The following RAPGEF4 variants were observed in gnomAD, a reference collection of about 807,000 sequenced individuals.
RAPGEF4 encodes Rap guanine nucleotide exchange factor 4.
Under a neutral mutation model 147.9 loss-of-function variants are expected in RAPGEF4, and 66 were observed. The ratio of observed to expected loss-of-function variants is 0.45; its 90% CI spans 0.37 to 0.55. RAPGEF4 has a LOEUF of 0.55. RAPGEF4 is among the 20% of genes least tolerant of loss of function. The probability of loss-of-function intolerance (pLI) is 0.00; values close to 1 mark genes in which losing one functional copy is unlikely to be tolerated. For synonymous variants in RAPGEF4, 419 were observed against 442.7 expected (o/e 0.95, Z 0.67); for missense variants, 1,071 against 1,257.3 (o/e 0.85, Z 2.24).
chr2:172,816,806 C>A (rs1192638673), intron 4 of RAPGEF4, among the ~76,000 whole-genome samples: 1 of 152,110 alleles, frequency 6.6e-6, no homozygotes, highest in Non-Finnish European at 1.5e-5. Context: ...TTTAGTCTGA[C>A]CTCTTTTACA....
chr2:173,031,550 C>T (rs531550737), intron 26 of RAPGEF4, among the ~76,000 whole-genome samples: 1 of 152,276 alleles, frequency 6.6e-6, no homozygotes, highest in Non-Finnish European at 1.5e-5. Flanking sequence ...ACCATAAAGC[C>T]TCAAAGGGTC....
At chr2:172,824,602 G>A (rs933185480) in intron 4 of RAPGEF4, among the ~76,000 whole-genome samples, 3 of 152,182 alleles carry the variant, frequency 2.0e-5, no homozygotes, top group Admixed American at 2.0e-4. Context: ...TGTGGGGTTT[G>A]TTCAAGGCTG....
chr2:172,754,981 T>C (rs1185313184), intron 1 of RAPGEF4, among the ~76,000 whole-genome samples: 2 of 152,122 alleles, frequency 1.3e-5, no homozygotes, highest in East Asian at 3.9e-4. Context: ...ATGCAGAGTT[T>C]GCAGTGAGCC....
intron 4 of RAPGEF4, among the ~76,000 whole-genome samples, chr2:172,876,747 G>A (rs944043324): frequency 9.2e-5 from 14 of 152,168 alleles, no homozygotes; most frequent in South Asian, 2.1e-4. Flanking sequence ...TTGGTATCAG[G>A]ATGATGCTGG....
At chr2:173,023,704 T>C (rs1696343092) in intron 23 of RAPGEF4, among the ~76,000 whole-genome samples, 1 of 152,222 alleles carries the variant, frequency 6.6e-6, no homozygotes. Flanking sequence ...TGCATATTTC[T>C]TAATATTAGA....
chr2:172,905,112 C>G (rs1057328530), intron 4 of RAPGEF4, among the ~76,000 whole-genome samples: 4 of 152,114 alleles, frequency 2.6e-5, no homozygotes. Flanking sequence ...TTCCCCTATC[C>G]CCCAAGCCTC....
chr2:172,900,706 A>T (rs984634952), intron 4 of RAPGEF4, among the ~76,000 whole-genome samples: 1 of 151,940 alleles, frequency 6.6e-6, no homozygotes, highest in Non-Finnish European at 1.5e-5. Flanking sequence ...AAGACATTGT[A>T]CTCTTTTGCC....
At chr2:172,789,556 G>A (rs1284227388) in intron 1 of RAPGEF4, among the ~76,000 whole-genome samples, 1 of 152,194 alleles carries the variant, frequency 6.6e-6, no homozygotes, top group Non-Finnish European at 1.5e-5. Context: ...TTATACAGCA[G>A]ATCTCTAGAG....
intron 3 of RAPGEF4, among the ~76,000 whole-genome samples, chr2:172,804,572 C>T (rs1017341459): frequency 3.3e-5 from 5 of 152,136 alleles, no homozygotes; most frequent in African/African-American, 1.2e-4. Flanking sequence ...CGGGGAGTAC[C>T]TGGCCTCCTG....
chr2:172,865,609 TG>T (rs923987215), intron 4 of RAPGEF4, among the ~76,000 whole-genome samples: 5 of 152,114 alleles, frequency 3.3e-5, no homozygotes, highest in Non-Finnish European at 5.9e-5. Context: ...CCTCTTCCTC[TG>T]TTTCTTCACC....
At chr2:173,017,112 C>A in intron 19 of RAPGEF4, 62 bp from the exon 20 acceptor site, 2 of 1,491,346 alleles carry the variant, frequency 1.3e-6, no homozygotes, top group Middle Eastern at 1.7e-4. Context: ...TAGTTATATA[C>A]AAATAAGGCA....
intron 4 of RAPGEF4, among the ~76,000 whole-genome samples, chr2:172,828,294 T>C (rs1689904901): frequency 6.6e-6 from 1 of 151,974 alleles, no homozygotes; most frequent in Admixed American, 6.5e-5. Context: ...CCGACAGAAA[T>C]GTGACAGACA....
intron 4 of RAPGEF4, among the ~76,000 whole-genome samples, chr2:172,846,915 G>A (rs889144004): frequency 2.0e-5 from 3 of 152,152 alleles, no homozygotes; most frequent in Non-Finnish European, 2.9e-5. Context: ...TCCAGCACGT[G>A]TTTTTGGAAT....
At chr2:172,889,702 C>A (rs566578973) in intron 4 of RAPGEF4, 2 of 269,382 alleles carry the variant, frequency 7.4e-6, no homozygotes, top group South Asian at 1.4e-4. Flanking sequence ...CACACACACA[C>A]GCTACCCACT....
At chr2:172,862,368 T>A (rs1006452712) in intron 4 of RAPGEF4, among the ~76,000 whole-genome samples, 4 of 152,174 alleles carry the variant, frequency 2.6e-5, no homozygotes, top group Non-Finnish European at 5.9e-5. Context: ...ATCCTATGAC[T>A]AAATAGTACA....
At chr2:172,769,185 G>T (rs901258466) in intron 1 of RAPGEF4, among the ~76,000 whole-genome samples, 5 of 152,136 alleles carry the variant, frequency 3.3e-5, no homozygotes, top group Admixed American at 2.0e-4. Context: ...TTCCTTGAAG[G>T]TTTGATCTCT....
intron 6 of RAPGEF4, among the ~76,000 whole-genome samples, chr2:172,932,180 C>T (rs1019697569): frequency 1.8e-4 from 27 of 152,244 alleles, no homozygotes; most frequent in Middle Eastern, 6.8e-3. Context: ...TGGAAATATT[C>T]GTAGTAAATG....
At chr2:172,966,636 A>G (rs373845241) in intron 9 of RAPGEF4, among the ~76,000 whole-genome samples, 1 of 152,222 alleles carries the variant, frequency 6.6e-6, no homozygotes, top group Admixed American at 6.5e-5. Flanking sequence ...ACCGAGATTT[A>G]AATCCTGTTT....
At chr2:172,867,366 T>C (rs925737696) in intron 4 of RAPGEF4, among the ~76,000 whole-genome samples, 1 of 152,234 alleles carries the variant, frequency 6.6e-6, no homozygotes, top group Admixed American at 6.5e-5. Flanking sequence ...CTTTGTTTCC[T>C]TCAGTTCTTT....
Sources: gnomAD v4.1 joint callset for allele counts (sites outside exome capture counted in the v4.1 genomes callset) on GRCh38, gnomAD v4.1.1 for gene constraint, MANE v1.5 for transcripts, NCBI Gene and HGNC (gene_info 2026-07-23, HGNC 2026-07-21) for gene names.